The following ZPBP variants were observed in gnomAD, a reference collection of about 807,000 sequenced individuals.
ZPBP encodes the protein zona pellucida-binding protein 1.
Under a neutral mutation model 44.8 loss-of-function variants are expected in ZPBP, and 26 were observed. The ratio of observed to expected loss-of-function variants is 0.58; its 90% CI spans 0.43 to 0.81. The LOEUF (loss-of-function observed/expected upper bound fraction) is 0.81, where lower values mean the gene tolerates loss of function less well. ZPBP is among the 30% of genes least tolerant of loss of function. ZPBP has a pLI of 0.00. For synonymous variants in ZPBP, 174 were observed against 153.2 expected, an observed-to-expected ratio of 1.14 and a Z score of -1.00; for missense variants, 409 against 434.0, an observed-to-expected ratio of 0.94 and a Z score of 0.51.
At chr7:49,888,897 G>A (rs1267104643) in intron 2 of ZPBP, among the ~76,000 whole-genome samples, 1 of 151,978 alleles carries the variant, frequency 6.6e-6, no homozygotes, top group African/African-American at 2.4e-5. Context: ...GGGGACAAGA[G>A]CGAGACTTCA....
chr7:50,037,163 C>A (rs1799864688), intron 4 of ZPBP, among the ~76,000 whole-genome samples: 1 of 152,104 alleles, frequency 6.6e-6, no homozygotes, highest in South Asian at 2.1e-4. Context: ...GTAATCACTA[C>A]TACTAAAAAA....
intron 2 of ZPBP, among the ~76,000 whole-genome samples, chr7:49,869,762 T>A (rs1791058794): frequency 6.6e-6 from 1 of 152,128 alleles, no homozygotes; most frequent in South Asian, 2.1e-4. Flanking sequence ...CCAGCAAACA[T>A]CCAAGAGAAT....
intron 6 of ZPBP, among the ~76,000 whole-genome samples, chr7:50,005,074 T>C (rs1042593267): frequency 2.7e-5 from 4 of 149,520 alleles, no homozygotes; most frequent in Non-Finnish European, 5.9e-5. Flanking sequence ...TGTAAGATCA[T>C]TGACTGATTT....
At chr7:49,976,665 A>G (rs1020598775) in intron 7 of ZPBP, among the ~76,000 whole-genome samples, 1 of 152,140 alleles carries the variant, frequency 6.6e-6, no homozygotes, top group African/African-American at 2.4e-5. Flanking sequence ...GCTATAAGCT[A>G]CTTCATCATG....
chr7:49,948,427 G>A (rs2128756942), intron 7 of ZPBP, among the ~76,000 whole-genome samples: 1 of 152,170 alleles, frequency 6.6e-6, no homozygotes, highest in African/African-American at 2.4e-5. Flanking sequence ...ATCAAATATA[G>A]TGAAAAGGCA....
chr7:50,032,055 C>T (rs1584084133), intron 4 of ZPBP, among the ~76,000 whole-genome samples: 1 of 152,044 alleles, frequency 6.6e-6, no homozygotes, highest in East Asian at 1.9e-4. Flanking sequence ...TGAAGTGCAC[C>T]CAGCCATTGT....
chr7:49,950,997 A>G (rs1163521529), intron 7 of ZPBP, among the ~76,000 whole-genome samples: 3 of 151,858 alleles, frequency 2.0e-5, no homozygotes, highest in Non-Finnish European at 3.0e-5. Flanking sequence ...TGAAATGTGG[A>G]AAGAACAGTT....
At chr7:49,992,591 A>G (rs1438339215) in intron 6 of ZPBP, among the ~76,000 whole-genome samples, 2 of 152,096 alleles carry the variant, frequency 1.3e-5, no homozygotes, top group African/African-American at 2.4e-5. Context: ...ATAGTATAAG[A>G]GAGATGGAGA....
Position 49,977,210 on chromosome 7 carries a change from A to T in ZPBP, c.961+6132T>A, listed in dbSNP as rs867316115. ...TAGAATGACCTATCCATTGGCCATG[A>T]TTTTTCAATTATTTAGTTTCTTCAG... is the stretch of plus-strand genomic sequence containing the variant. On this transcript the variant is annotated intron_variant, in intron 7 of 7. Coordinates refer to ENST00000046087, the MANE Select transcript of ZPBP (RefSeq NM_007009.3). Among the ~76,000 whole-genome samples the T allele has an allele frequency of 6.6e-5, 10 of 152,178 alleles. 1 individual carries two copies. Among genetic ancestry groups the T allele is most frequent in the Middle Eastern group, 6.8e-3 (2 of 294 alleles).
intron 7 of ZPBP, among the ~76,000 whole-genome samples, chr7:49,981,637 T>A (rs1562820356): frequency 2.3e-3 from 203 of 87,252 alleles, no homozygotes; most frequent in African/African-American, 5.5e-3. Flanking sequence ...TTATATTATA[T>A]ATTATATAAT....
intron 2 of ZPBP, among the ~76,000 whole-genome samples, chr7:49,879,619 C>G (rs1404446783): frequency 6.6e-6 from 1 of 152,208 alleles, no homozygotes; most frequent in Non-Finnish European, 1.5e-5. Context: ...GTGGCATTCA[C>G]AGGCAACTCT....
At chr7:50,014,466 T>A (rs929508691) in intron 6 of ZPBP, among the ~76,000 whole-genome samples, 2 of 71,440 alleles carry the variant, frequency 2.8e-5, no homozygotes, top group Non-Finnish European at 8.4e-5. Context: ...TTTCTTTTTC[T>A]TTTTTTTTTT....
chr7:49,943,069 A>G, intron 7 of ZPBP: 1 of 340,082 alleles, frequency 2.9e-6, no homozygotes, highest in Non-Finnish European at 5.8e-6. Context: ...CAAAGAAAGG[A>G]ATCCAGCCCT....
chr7:50,069,317 TTTTAC>T (rs1202470394), intron 3 of ZPBP, among the ~76,000 whole-genome samples: 8 of 152,124 alleles, frequency 5.3e-5, no homozygotes. Context: ...GGCAGCTGAT[TTTTAC>T]TTTCACTATT....
chr7:49,989,946 T>A (rs1797484742), intron 6 of ZPBP, among the ~76,000 whole-genome samples: 1 of 152,180 alleles, frequency 6.6e-6, no homozygotes, highest in Admixed American at 6.5e-5. Context: ...TCTTGGCATG[T>A]CACAGGATAT....
At chr7:50,004,169 C>T (rs1017071737) in intron 6 of ZPBP, among the ~76,000 whole-genome samples, 11 of 152,052 alleles carry the variant, frequency 7.2e-5, no homozygotes, top group Admixed American at 7.2e-4. Flanking sequence ...TGTTCAGCTG[C>T]CACCACAGCT....
intron 2 of ZPBP, among the ~76,000 whole-genome samples, chr7:50,086,492 T>C (rs542322770): frequency 6.6e-6 from 1 of 152,056 alleles, no homozygotes; most frequent in Non-Finnish European, 1.5e-5. Flanking sequence ...TGTGTGATAT[T>C]CCAAGTAGAA....
At position 49,962,411 on chromosome 7, in the gene ZPBP, G is replaced by A. The variant is rs1305911242; in HGVS notation, c.961+20931C>T. Among the ~76,000 whole-genome samples the A allele has an allele frequency of 3.3e-5, 5 of 151,596 alleles. No homozygotes were observed. In the East Asian group the frequency reaches 7.7e-4, roughly 23 times the overall value. On this transcript the variant is annotated intron_variant, in intron 7 of 7. Coordinates refer to ENST00000046087, the MANE Select transcript of ZPBP (RefSeq NM_007009.3). ...ACAAACCATGTGATCATCTCAATTCGGGTGTAAAAGACATTAGGAAAAATT... is the reference window on the plus strand; with the variant it reads ...ACAAACCATGTGATCATCTCAATTCAGGTGTAAAAGACATTAGGAAAAATT...
In ZPBP at chr7:50,064,404, G is replaced by C. The variant is rs968875876; in HGVS notation, c.335-6263C>G. Among the ~76,000 whole-genome samples, 3 of 152,252 alleles carry C rather than the reference G, an allele frequency of 2.0e-5. No homozygotes were observed. The South Asian group carries it at 6.2e-4, about 32-fold the overall frequency. ...TTGATAACATCTTATCAGGAAGCAG[G>C]GTTTTGAGATCAACCGGTCTGACCA... On this transcript the variant is annotated intron_variant, in intron 3 of 7. Transcript: ENST00000046087.
Sources: gnomAD v4.1 joint callset for allele counts (sites outside exome capture counted in the v4.1 genomes callset) on GRCh38, gnomAD v4.1.1 for gene constraint, MANE v1.5 for transcripts, NCBI Gene and HGNC (gene_info 2026-07-23, HGNC 2026-07-21) for gene names.